The following JAK2 variants were observed in gnomAD, a reference collection of about 807,000 sequenced individuals.
JAK2 encodes the protein Janus kinase 2.
In JAK2, 86 loss-of-function variants were observed where a neutral mutation model predicts 139.3. The ratio of observed to expected loss-of-function variants is 0.62; its 90% CI spans 0.52 to 0.74. JAK2 has a LOEUF of 0.74. Among genes scored for constraint, JAK2 ranks in the 30% least tolerant of loss-of-function variants. JAK2 has a pLI of 0.00. For missense variants in JAK2, 1,421 were observed against 1,360.3 expected (o/e 1.04, Z -0.70); for synonymous variants, 490 against 437.7 (o/e 1.12, Z -1.49).
At chr9:5,122,512 TG>T (rs748514184) in intron 22 of JAK2, among the ~76,000 whole-genome samples, 1 of 152,134 alleles carries the variant, frequency 6.6e-6, no homozygotes, top group Non-Finnish European at 1.5e-5. Flanking sequence ...CAGTTAACCT[TG>T]GTGCTGTCTA....
intron 19 of JAK2, chr9:5,086,135 G>GCGGCCCCGC: frequency 2.5e-6 from 1 of 392,532 alleles, no homozygotes; most frequent in Non-Finnish European, 4.5e-6. Context: ...CGCGGCCCCG[G>GCGGCCCCGC]CGGCCCCGCA....
rs2130607333 is a variant in JAK2, at chr9:5,080,539, C to G, written c.2290C>G (p.Gln764Glu). Residue 764 changes from glutamine (Q) to glutamate (E), a missense_variant, in exon 18 of 25, where the codon CAA becomes GAA. Transcript: ENST00000381652. ...LSALDSQRKL[Q>E]FYEDRHQLPA... ...TGTGGTTCTTTAATTATAGAAGCTA[C>G]AATTTTATGAAGATAGGCATCAGCT... 1 of 1,583,746 alleles carries G rather than the reference C, an allele frequency of 6.3e-7. No individual in the cohort carries two copies. Among genetic ancestry groups the G allele is most frequent in the Non-Finnish European group, 8.5e-7 (1 of 1,171,390 alleles).
At chr9:5,031,551 TATCAGATAAATTATAGATTGATTAAAG>T (rs1336541512) in intron 4 of JAK2, among the ~76,000 whole-genome samples, 1 of 152,204 alleles carries the variant, frequency 6.6e-6, no homozygotes, top group Non-Finnish European at 1.5e-5. Flanking sequence ...TTATAATGTA[TATCAGATAAATTATAGATTGATTAAAG>T]ATCAGATTGA....
chr9:5,129,778 C>A lies in JAK2; in HGVS notation c.*2987C>A, dbSNP rs560410396. Reference sequence around the variant, plus strand: ...AGATTTCAAAATGACACTGAGAGAACTGAAAAACTACATCAGTCAAATTCA... The same window carrying A: ...AGATTTCAAAATGACACTGAGAGAAATGAAAAACTACATCAGTCAAATTCA... On this transcript the variant is annotated 3_prime_UTR_variant, in exon 25 of 25. Coordinates refer to ENST00000381652, the MANE Select transcript of JAK2 (RefSeq NM_004972.4). Among the ~76,000 whole-genome samples the A allele has an allele frequency of 2.6e-5, 4 of 152,224 alleles. No homozygotes were observed. Among genetic ancestry groups the A allele is most frequent in the Admixed American group, 6.5e-5 (1 of 15,286 alleles).
At chr9:5,000,827 G>A (rs956191767) in intron 2 of JAK2, among the ~76,000 whole-genome samples, 5 of 152,162 alleles carry the variant, frequency 3.3e-5, no homozygotes, top group African/African-American at 1.2e-4. Context: ...GTTGGGATAT[G>A]TATAAATATC....
At chr9:5,108,641 C>G (rs866210907) in intron 22 of JAK2, 1 of 152,074 alleles carries the variant, frequency 6.6e-6, no homozygotes, top group Non-Finnish European at 1.5e-5. Context: ...AACTAGGCGG[C>G]TGCGGTATAA....
In JAK2 at chr9:5,078,163, T is replaced by C. The variant is rs1586748925; in HGVS notation, c.1993-143T>C. On this transcript the variant is annotated intron_variant, in intron 15 of 24. Coordinates refer to ENST00000381652, the MANE Select transcript of JAK2 (RefSeq NM_004972.4). Reference sequence around the variant, plus strand: ...ACAGGAAGCATAGGAGTCATAAATTTCCTTTTTTCTCAATGCATGCCTCCA... The same window carrying C: ...ACAGGAAGCATAGGAGTCATAAATTCCCTTTTTTCTCAATGCATGCCTCCA... 4 of 583,728 alleles carry C rather than the reference T, an allele frequency of 6.9e-6. No homozygotes were observed. The East Asian group carries it at 1.1e-4, about 17-fold the overall frequency. The allele number at this position is 583,728 out of a possible 1,614,324, so 36.2% of individuals were successfully genotyped here.
At chr9:5,083,437 C>A (rs527700111) in intron 19 of JAK2, among the ~76,000 whole-genome samples, 1 of 152,304 alleles carries the variant, frequency 6.6e-6, no homozygotes, top group Non-Finnish European at 1.5e-5. Context: ...TTATTATCAG[C>A]TATTCCTAAA....
chr9:5,065,049 T>C lies in JAK2; in HGVS notation c.1214+9T>C. Reference sequence around the variant, plus strand: ...TGTCATGGCCCAATTTCGTGAGTAATACAGACTTAAAAGTAAATTTTTAGA... The same window carrying C: ...TGTCATGGCCCAATTTCGTGAGTAACACAGACTTAAAAGTAAATTTTTAGA... On this transcript the variant is annotated intron_variant, in intron 9 of 24. Transcript: ENST00000381652. The C allele has an allele frequency of 6.5e-7, 1 of 1,535,740 alleles. No homozygotes were observed. Among genetic ancestry groups the C allele is most frequent in the Non-Finnish European group, 8.8e-7 (1 of 1,141,022 alleles).
intron 22 of JAK2, chr9:5,108,784 C>G (rs1251944222): frequency 6.6e-6 from 1 of 152,124 alleles, no homozygotes; most frequent in Non-Finnish European, 1.5e-5. Context: ...ATTGCCTACT[C>G]CTCTGTAAGC....
intron 2 of JAK2, among the ~76,000 whole-genome samples, chr9:4,990,276 G>C (rs992789215): frequency 6.6e-6 from 1 of 152,144 alleles, no homozygotes; most frequent in African/African-American, 2.4e-5. Flanking sequence ...TTAGGACTCA[G>C]ACCAGAGAGA....
chr9:5,121,949 A>G (rs1263586287), intron 22 of JAK2, among the ~76,000 whole-genome samples: 2 of 152,196 alleles, frequency 1.3e-5, no homozygotes, highest in Non-Finnish European at 2.9e-5. Flanking sequence ...CTTGTGGAAT[A>G]AAACTAACAT....
At chr9:5,006,926 T>A (rs1038815326) in intron 2 of JAK2, among the ~76,000 whole-genome samples, 2 of 152,202 alleles carry the variant, frequency 1.3e-5, no homozygotes, top group Non-Finnish European at 2.9e-5. Context: ...TTGGAGAATA[T>A]TCCTGTTGTC....
intron 14 of JAK2, among the ~76,000 whole-genome samples, chr9:5,077,053 T>C (rs1819354632): frequency 6.6e-6 from 1 of 152,010 alleles, no homozygotes; most frequent in African/African-American, 2.4e-5. Flanking sequence ...TATAGTACTA[T>C]AGACAATTGT....
rs1193014663 is a variant in JAK2, at chr9:5,128,445, T to G, written c.*1654T>G. ...TTGTATATGCAACACAGTAAGGAGA[T>G]CTTCCATTTTACTACCTTTCAAGTG... On this transcript the variant is annotated 3_prime_UTR_variant, in exon 25 of 25. Transcript: ENST00000381652. Among the ~76,000 whole-genome samples, 1 of 151,804 alleles carries G rather than the reference T, an allele frequency of 6.6e-6. No homozygotes were observed. Among genetic ancestry groups the G allele is most frequent in the Non-Finnish European group, 1.5e-5 (1 of 67,748 alleles).
intron 18 of JAK2, 105 bp from the exon 19 acceptor site, chr9:5,081,620 A>G (rs549145398): frequency 1.4e-6 from 1 of 710,100 alleles, no homozygotes; most frequent in Admixed American, 2.6e-5. Flanking sequence ...TGTATCATTT[A>G]GTATTTTTAA....
Position 5,072,644 on chromosome 9 carries a change from A to G in JAK2, c.1776+18A>G. On this transcript the variant is annotated intron_variant, in intron 13 of 24. Coordinates refer to ENST00000381652, the MANE Select transcript of JAK2 (RefSeq NM_004972.4). ...ATTCAGAGGTGTGTATGTTCTTTAT[A>G]TTGTTCATGTAGTTTATGCTGTTTA... 6.4e-7 allele frequency: 1 copy of G among 1,561,428 alleles called. No individual in the cohort carries two copies. The highest frequency in any genetic ancestry group is 8.7e-7 in the Non-Finnish European group (1 of 1,148,910).
rs1428512009 is a variant in JAK2, at chr9:5,063,799, C to T, written c.1057-1084C>T. ...TTTTGTATGTAAAAATATAATACGT[C>T]TATATATTTTCCCATGTAAGTAACA... On this transcript the variant is annotated intron_variant, in intron 8 of 24. Coordinates refer to ENST00000381652, the MANE Select transcript of JAK2 (RefSeq NM_004972.4). 2.0e-5 allele frequency among the ~76,000 whole-genome samples: 3 copies of T among 152,108 alleles called. No individual in the cohort carries two copies. The East Asian group carries it at 5.8e-4, about 29-fold the overall frequency.
At chr9:5,102,349 TA>T (rs1422065318) in intron 22 of JAK2, among the ~76,000 whole-genome samples, 1 of 151,676 alleles carries the variant, frequency 6.6e-6, no homozygotes, top group Non-Finnish European at 1.5e-5. Flanking sequence ...GAAAAAAGAG[TA>T]AAAAGCAACA....
Sources: allele counts gnomAD v4.1 joint callset (sites outside exome capture counted in the v4.1 genomes callset), GRCh38; gene constraint gnomAD v4.1.1; transcripts MANE v1.5; gene names NCBI Gene and HGNC (gene_info 2026-07-23, HGNC 2026-07-21).